Variants in ABLIM2 observed in about 807,000 individuals in gnomAD.
ABLIM2 encodes actin-binding LIM protein 2.
ABLIM2 carries 53 observed loss-of-function variants against 97.7 expected under a neutral mutation model. The observed-to-expected ratio is 0.54, with a 90% CI of 0.44 to 0.68. The LOEUF is 0.68. Among genes scored for constraint, ABLIM2 ranks in the 30% least tolerant of loss-of-function variants. The pLI is 0.00. For synonymous variants in ABLIM2, 361 were observed against 345.8 expected, an observed-to-expected ratio of 1.04 and a Z score of -0.49; for missense variants, 835 against 867.2, an observed-to-expected ratio of 0.96 and a Z score of 0.47.
intron 6 of ABLIM2, among the ~76,000 whole-genome samples, chr4:8,066,345 AGAGGGAGG>A (rs1229513088): frequency 1.5e-5 from 1 of 68,026 alleles, no homozygotes; most frequent in Non-Finnish European, 2.7e-5. Flanking sequence ...AGGGAGGGAG[AGAGGGAGG>A]GAGGGAGGGA....
chr4:8,111,360 A>G (rs865818856), intron 1 of ABLIM2, among the ~76,000 whole-genome samples: 2 of 152,234 alleles, frequency 1.3e-5, no homozygotes, highest in Non-Finnish European at 2.9e-5. Flanking sequence ...GGGCGTTTTT[A>G]GCAGTGACGC....
chr4:8,154,088 G>C (rs1714209114), intron 1 of ABLIM2, among the ~76,000 whole-genome samples: 1 of 149,682 alleles, frequency 6.7e-6, no homozygotes, highest in Non-Finnish European at 1.5e-5. Context: ...TCAGCCTCCC[G>C]AGTAGCTGGG....
In ABLIM2 at chr4:8,019,104, T is replaced by C. The variant is rs1771634831; in HGVS notation, c.1423+514A>G. Among the ~76,000 whole-genome samples, 1 of 152,250 alleles carries C rather than the reference T, an allele frequency of 6.6e-6. No individual in the cohort carries two copies. The highest frequency in any genetic ancestry group is 1.5e-5 in the Non-Finnish European group (1 of 68,042). The stretch of plus-strand genomic sequence containing the variant: ...TGGAGCAGAGCTGGGCGTCAGCTCC[T>C]ATTTGCTTATGCAAGAAATCTCCGT... On this transcript the variant is annotated intron_variant, in intron 14 of 20. Transcript: ENST00000447017. This position sits in a 1 kb window ranked among gnomAD's most constrained non-coding sequence, Gnocchi z 4.3.
intron 12 of ABLIM2, among the ~76,000 whole-genome samples, chr4:8,026,742 C>T (rs1777618803): frequency 6.6e-6 from 1 of 152,234 alleles, no homozygotes. Flanking sequence ...TTTCCTCTCA[C>T]AGTGCTGGAG....
rs35074982 is a variant in ABLIM2 at position 8,155,372 on chromosome 4, G to A, written c.10+3308C>T. ...TCCACAGTCTGGGGACTAGGGCTCA[G>A]GTTCGGGCTCTGCCACATCCTCTCC... On this transcript the variant is annotated intron_variant, in intron 1 of 20. Coordinates refer to ENST00000447017, the MANE Select transcript of ABLIM2 (RefSeq NM_001130083.2). The surrounding 1 kb of genome is among the most constrained non-coding windows in gnomAD (Gnocchi z 4.2). 7.9e-5 allele frequency among the ~76,000 whole-genome samples: 12 copies of A among 152,196 alleles called. No homozygotes were observed. The highest frequency in any genetic ancestry group is 4.4e-5 in the Non-Finnish European group (3 of 68,030).
In ABLIM2 at chr4:8,055,370, C is replaced by A. The variant is rs1321252369; in HGVS notation, c.764-1124G>T. Among the ~76,000 whole-genome samples, 5 of 151,866 alleles carry A rather than the reference C, an allele frequency of 3.3e-5. No individual in the cohort carries two copies. In the East Asian group the frequency reaches 9.7e-4, roughly 29 times the overall value. On this transcript the variant is annotated intron_variant, in intron 7 of 20. Transcript: ENST00000447017. ...CACACACCCAGCCTGACCTGCTGCC[C>A]CCTGCGATGGGCTGGCACTGCACTC... is the stretch of plus-strand genomic sequence containing the variant.
In ABLIM2 at chr4:8,067,945, TC is replaced by T. The variant is rs1301658040; in HGVS notation, c.676-6892del. 1.3e-5 allele frequency among the ~76,000 whole-genome samples: 2 copies of T among 152,152 alleles called. No homozygotes were observed. Among genetic ancestry groups the T allele is most frequent in the Non-Finnish European group, 2.9e-5 (2 of 68,034 alleles). The stretch of plus-strand genomic sequence containing the variant: ...TACCGGCATGGCACAGGTCACCCCC[TC>T]CCTACCCCATACTTCCTGCTGAGAA... On this transcript the variant is annotated intron_variant, in intron 6 of 20. Transcript: ENST00000447017. The surrounding 1 kb of genome is among the most constrained non-coding windows in gnomAD (Gnocchi z 5.4).
intron 14 of ABLIM2, among the ~76,000 whole-genome samples, chr4:8,017,734 C>T (rs1299054649): frequency 6.6e-6 from 1 of 152,184 alleles, no homozygotes; most frequent in Non-Finnish European, 1.5e-5. Context: ...CGGCTCACCC[C>T]TATAATCCTA....
chr4:8,013,269 C>T (rs112192709), intron 14 of ABLIM2, among the ~76,000 whole-genome samples: 31 of 132,008 alleles, frequency 2.3e-4, no homozygotes, highest in African/African-American at 9.1e-4. Flanking sequence ...GTTGCCCAGG[C>T]TGGAGTGCAA....
intron 1 of ABLIM2, among the ~76,000 whole-genome samples, chr4:8,145,334 C>G (rs1851616690): frequency 6.6e-6 from 1 of 152,126 alleles, no homozygotes; most frequent in African/African-American, 2.4e-5. Flanking sequence ...CAGGCACACA[C>G]CACCACGCCC....
rs1755357857 is a variant in ABLIM2, at chr4:7,999,078, T to G, written c.1619-6151A>C. 1.3e-5 allele frequency among the ~76,000 whole-genome samples: 2 copies of G among 152,282 alleles called. No individual in the cohort carries two copies. The highest frequency in any genetic ancestry group is 2.9e-5 in the Non-Finnish European group (2 of 68,020). ...AGAATCACTGGTTTATTTATTTTAT[T>G]TTTTGAGACGGAGTTTTGTTCTTGT... On this transcript the variant is annotated intron_variant, in intron 16 of 20. Transcript: ENST00000447017. This position sits in a 1 kb window ranked among gnomAD's most constrained non-coding sequence, Gnocchi z 4.4.
intron 14 of ABLIM2, among the ~76,000 whole-genome samples, 157 bp from the exon 15 acceptor site, chr4:8,009,259 G>A (rs1215007486): frequency 1.3e-5 from 2 of 152,220 alleles, no homozygotes; most frequent in African/African-American, 4.8e-5. Context: ...AACAAGGTAA[G>A]CTGGAGGAGG....
rs1420141152 is a variant in ABLIM2, at chr4:8,084,231, C to T, written c.455-3429G>A. Among the ~76,000 whole-genome samples the T allele has an allele frequency of 3.3e-5, 5 of 152,200 alleles. No individual in the cohort carries two copies. The East Asian group carries it at 9.6e-4, about 29-fold the overall frequency. ...CACGTTCAAGTTCGGCCCCAGCGCA[C>T]TGCGGTCAGGACTAGACCGGGACAG... On this transcript the variant is annotated intron_variant, in intron 4 of 20. Coordinates refer to ENST00000447017, the MANE Select transcript of ABLIM2 (RefSeq NM_001130083.2).
intron 15 of ABLIM2, 110 bp downstream of exon 15, chr4:8,008,940 A>G (rs532188544): frequency 7.4e-7 from 1 of 1,353,510 alleles, no homozygotes; most frequent in South Asian, 1.2e-5. Flanking sequence ...AGGGCCCCTA[A>G]GGAACAGAAT....
In ABLIM2 at chr4:8,140,725, G is replaced by C. The variant is rs535816297; in HGVS notation, c.10+17955C>G. On this transcript the variant is annotated intron_variant, in intron 1 of 20. Transcript: ENST00000447017. The surrounding 1 kb of genome is among the most constrained non-coding windows in gnomAD (Gnocchi z 5.9). ...GGGGCCTCCTGAAGGTCCCACGGAG[G>C]CCAGCAGAGAGTAGCACCCAGACAC... 1.3e-5 allele frequency among the ~76,000 whole-genome samples: 2 copies of C among 152,230 alleles called. No homozygotes were observed. Among genetic ancestry groups the C allele is most frequent in the Admixed American group, 6.5e-5 (1 of 15,298 alleles).
intron 20 of ABLIM2, among the ~76,000 whole-genome samples, chr4:7,969,918 A>G (rs184193286): frequency 3.3e-5 from 5 of 152,308 alleles, no homozygotes; most frequent in African/African-American, 1.2e-4. Context: ...GAAATCCATC[A>G]GCCAGTCCAC....
At chr4:8,055,279 T>A (rs1351147176) in intron 7 of ABLIM2, among the ~76,000 whole-genome samples, 2 of 152,186 alleles carry the variant, frequency 1.3e-5, no homozygotes, top group African/African-American at 4.8e-5. Flanking sequence ...GGGCACTTGC[T>A]CCTCCTGGGG....
chr4:7,971,301 A>T (rs1242114361), intron 20 of ABLIM2, among the ~76,000 whole-genome samples: 1 of 152,046 alleles, frequency 6.6e-6, no homozygotes, highest in Non-Finnish European at 1.5e-5. Context: ...AGCTCCTCTG[A>T]CCCCAGGTTC....
intron 7 of ABLIM2, among the ~76,000 whole-genome samples, chr4:8,056,684 G>C (rs1799374644): frequency 6.6e-6 from 1 of 151,782 alleles, no homozygotes; most frequent in Non-Finnish European, 1.5e-5. Flanking sequence ...TGTAATCCCA[G>C]CACTTTGGGA....
Sources: gnomAD v4.1 joint callset for allele counts (sites outside exome capture counted in the v4.1 genomes callset) on GRCh38, gnomAD v4.1.1 for gene constraint, Gnocchi (gnomAD v3.1) non-coding constraint, MANE v1.5 for transcripts, NCBI Gene and HGNC (gene_info 2026-07-23, HGNC 2026-07-21) for gene names.